DPH6: variants seen among roughly 807,000 people sequenced by gnomAD.
DPH6 encodes the protein diphthine--ammonia ligase.
Under a neutral mutation model 38.2 loss-of-function variants are expected in DPH6, and 33 were observed. That is an observed-to-expected ratio of 0.86 (90% CI 0.65 to 1.15). The LOEUF is 1.15. DPH6 is among the 50% of genes most tolerant of loss of function. DPH6 has a pLI of 0.00. For missense variants in DPH6, 325 were observed against 320.0 expected (o/e 1.02, Z -0.12); for synonymous variants, 108 against 103.0 (o/e 1.05, Z -0.30).
chr15:35,461,534 G>C (rs1475092905), intron 3 of DPH6, among the ~76,000 whole-genome samples: 3 of 151,982 alleles, frequency 2.0e-5, no homozygotes, highest in Non-Finnish European at 2.9e-5. Flanking sequence ...TATCAGTCAA[G>C]TGCAGCCTTT....
intron 7 of DPH6, among the ~76,000 whole-genome samples, chr15:35,378,424 C>T (rs2052811227): frequency 6.6e-6 from 1 of 152,126 alleles, no homozygotes; most frequent in African/African-American, 2.4e-5. Context: ...TGTGGCGATT[C>T]CTCAAGGATC....
chr15:35,546,080 T>C, intron 1 of DPH6, 39 bp downstream of exon 1: 2 of 1,354,404 alleles, frequency 1.5e-6, no homozygotes, highest in Non-Finnish European at 9.6e-7. Context: ...GACGAGAGCC[T>C]GGCCTAGGAG....
At position 35,316,424 on chromosome 15, in the gene DPH6, T is replaced by C. The variant is rs539440945; in HGVS notation, n.200+57097A>G. On this transcript the variant is annotated intron_variant and non_coding_transcript_variant, in intron 3 of 3. Coordinates refer to the DPH6 transcript ENST00000560386. ...ATTCCAGAGAGCTGGCTGGAATGTA[T>C]AAAAAAGAACTGAAAAGCAACCTGA... 4.5e-4 allele frequency among the ~76,000 whole-genome samples: 68 copies of C among 152,056 alleles called. 1 individual carries two copies. The highest frequency in any genetic ancestry group is 1.5e-3 in the African/African-American group (64 of 41,488).
At chr15:35,303,581 A>T (rs1028796703) in intron 3 of DPH6, among the ~76,000 whole-genome samples, 1 of 151,804 alleles carries the variant, frequency 6.6e-6, no homozygotes, top group Non-Finnish European at 1.5e-5. Flanking sequence ...ATTTTTCAGT[A>T]TAAGTATACT....
Position 35,267,898 on chromosome 15 carries a change from C to T in DPH6, n.201-47316G>A, listed in dbSNP as rs185339176. ...ATACAAAAGAAAACTAGGCCAGGCG[C>T]GGTGGCTCACGTCTGTAATCCCAGC... On this transcript the variant is annotated intron_variant and non_coding_transcript_variant, in intron 3 of 3. Coordinates refer to the DPH6 transcript ENST00000560386. Among the ~76,000 whole-genome samples, 26 of 152,190 alleles carry T rather than the reference C, an allele frequency of 1.7e-4. No homozygotes were observed. The East Asian group carries it at 2.3e-3, about 14-fold the overall frequency.
chr15:35,320,709 T>C (rs73393362), intron 3 of DPH6, among the ~76,000 whole-genome samples: 4,546 of 152,286 alleles, frequency 0.03, 234 homozygotes, highest in African/African-American at 0.1. Context: ...TTTGTTGTAA[T>C]TGGCCATCCA....
At chr15:35,314,369 A>G (rs1309328347) in intron 3 of DPH6, among the ~76,000 whole-genome samples, 1 of 152,202 alleles carries the variant, frequency 6.6e-6, no homozygotes, top group Non-Finnish European at 1.5e-5. Context: ...TACTTGATAT[A>G]TATTTTATGT....
At chr15:35,364,260 C>T (rs1414186246) in intron 3 of DPH6, among the ~76,000 whole-genome samples, 1 of 151,898 alleles carries the variant, frequency 6.6e-6, no homozygotes, top group Non-Finnish European at 1.5e-5. Context: ...TTTACAATGA[C>T]CACCTATATA....
chr15:35,296,338 G>T (rs2052014671), intron 3 of DPH6, among the ~76,000 whole-genome samples: 1 of 152,092 alleles, frequency 6.6e-6, no homozygotes, highest in Non-Finnish European at 1.5e-5. Flanking sequence ...GTGCAGATTT[G>T]CTAACTACCA....
intron 3 of DPH6, among the ~76,000 whole-genome samples, chr15:35,302,600 C>CA (rs1208166643): frequency 6.6e-6 from 1 of 152,134 alleles, no homozygotes; most frequent in East Asian, 1.9e-4. Flanking sequence ...GAGATCCTGT[C>CA]AGAGTTTGAC....
intron 6 of DPH6, among the ~76,000 whole-genome samples, chr15:35,394,229 A>G (rs1156698438): frequency 6.6e-6 from 1 of 152,086 alleles, no homozygotes; most frequent in African/African-American, 2.4e-5. Context: ...TAATACTATC[A>G]CTACTAATTA....
intron 3 of DPH6, chr15:35,237,373 C>G: frequency 6.2e-7 from 1 of 1,601,900 alleles, no homozygotes; most frequent in Non-Finnish European, 8.5e-7. Flanking sequence ...ACAGGACGCC[C>G]TCTGATGTGA....
intron 3 of DPH6, among the ~76,000 whole-genome samples, chr15:35,281,941 T>C (rs1237069771): frequency 6.6e-6 from 1 of 152,226 alleles, no homozygotes; most frequent in Non-Finnish European, 1.5e-5. Flanking sequence ...TCTTGTATAT[T>C]GTCTTCAGTT....
chr15:35,431,360 A>C (rs2053630642), intron 5 of DPH6, among the ~76,000 whole-genome samples: 1 of 152,138 alleles, frequency 6.6e-6, no homozygotes, highest in African/African-American at 2.4e-5. Flanking sequence ...TTTTACTGAT[A>C]AAAGGGAGGT....
Position 35,420,863 on chromosome 15 carries a change from T to C in DPH6, c.506-9967A>G, listed in dbSNP as rs2053496502. On this transcript the variant is annotated intron_variant, in intron 5 of 8. Coordinates refer to ENST00000256538, the MANE Select transcript of DPH6 (RefSeq NM_080650.4). Reference sequence around the variant, plus strand: ...TAAATAAAAGGGACAAACCCTTAGCTAGACTAAGAAAAACAGGGGCAGGAC... The same window carrying C: ...TAAATAAAAGGGACAAACCCTTAGCCAGACTAAGAAAAACAGGGGCAGGAC... Among the ~76,000 whole-genome samples the C allele has an allele frequency of 2.0e-5, 3 of 152,008 alleles. No homozygotes were observed. The South Asian group carries it at 6.2e-4, about 31-fold the overall frequency.
chr15:35,263,394 T>C (rs2051761530), intron 3 of DPH6, among the ~76,000 whole-genome samples: 1 of 148,326 alleles, frequency 6.7e-6, no homozygotes, highest in Non-Finnish European at 1.5e-5. Context: ...TTAACATAAT[T>C]AATCTTTTTT....
the DPH6 span, among the ~76,000 whole-genome samples, chr15:35,191,458 C>T: frequency 6.6e-6 from 1 of 152,146 alleles, no homozygotes; most frequent in Non-Finnish European, 1.5e-5. Flanking sequence ...ATGAACATCT[C>T]CATTTCACAA....
At chr15:35,212,546 T>C (rs192390270), downstream of DPH6, among the ~76,000 whole-genome samples, 61 of 152,304 alleles carry the variant, frequency 4.0e-4, no homozygotes, top group Non-Finnish European at 6.8e-4. Context: ...TTCAATTCAA[T>C]CACCCTTTAC....
chr15:35,491,257 A>G (rs16961096), intron 3 of DPH6, among the ~76,000 whole-genome samples: 2,311 of 152,166 alleles, frequency 0.015, 52 homozygotes, highest in African/African-American at 0.053. Context: ...TAAGGACAAA[A>G]AAGTTAATGA....
Sources: allele counts gnomAD v4.1 joint callset (sites outside exome capture counted in the v4.1 genomes callset), GRCh38; gene constraint gnomAD v4.1.1; transcripts MANE v1.5; gene names NCBI Gene and HGNC (gene_info 2026-07-23, HGNC 2026-07-21).